ACTR3C: variants seen among roughly 807,000 people sequenced by gnomAD.
The protein encoded by ACTR3C is actin-related protein 3C.
In ACTR3C, 18 loss-of-function variants were observed where a neutral mutation model predicts 26.3. That is an observed-to-expected ratio of 0.68 (90% CI 0.47 to 1.01). The LOEUF (loss-of-function observed/expected upper bound fraction) is 1.01. ACTR3C is among the 50% of genes least tolerant of loss of function. The pLI, the probability that ACTR3C is intolerant of heterozygous loss-of-function variation, is 0.00. For missense variants in ACTR3C, 184 were observed against 250.7 expected, an observed-to-expected ratio of 0.73 and a Z score of 1.80; for synonymous variants, 55 against 94.5, an observed-to-expected ratio of 0.58 and a Z score of 2.42.
chr7:150,071,950 C>G, the ACTR3C span, among the ~76,000 whole-genome samples: 1 of 145,612 alleles, frequency 6.9e-6, no homozygotes, highest in Admixed American at 6.8e-5. Context: ...CTACCAGAAG[C>G]AGTATCTGCT....
the ACTR3C span, among the ~76,000 whole-genome samples, chr7:150,065,725 T>C: frequency 3.3e-5 from 5 of 150,958 alleles, no homozygotes; most frequent in African/African-American, 1.2e-4. Context: ...ATTTTGCATA[T>C]GTTTTAGCTT....
chr7:150,314,183 C>T (rs1183015099), intron 1 of ACTR3C, among the ~76,000 whole-genome samples: 4 of 152,178 alleles, frequency 2.6e-5, no homozygotes, highest in Admixed American at 6.5e-5. Context: ...GTGTTAGCTC[C>T]GTCACTGTGG....
chr7:150,062,311 A>ATT, the ACTR3C span: 1 of 68,742 alleles, frequency 1.5e-5, no homozygotes, highest in African/African-American at 6.5e-5. Flanking sequence ...TTTTTTTTAA[A>ATT]ATTGAAAAAT....
chr7:150,084,015 T>C, the ACTR3C span, among the ~76,000 whole-genome samples: 3 of 152,188 alleles, frequency 2.0e-5, no homozygotes, highest in Non-Finnish European at 4.4e-5. Flanking sequence ...GCTGAAGATA[T>C]ATCTGCACAC....
chr7:149,903,127 TAC>T, the ACTR3C span, among the ~76,000 whole-genome samples: 1 of 125,496 alleles, frequency 8.0e-6, no homozygotes, highest in Non-Finnish European at 1.8e-5. Flanking sequence ...CACAAAAACC[TAC>T]AGTTATCACT....
At chr7:150,005,603 T>C in the ACTR3C span, among the ~76,000 whole-genome samples, 74,964 of 150,044 alleles carry the variant, frequency 0.5, 18,876 homozygotes, top group African/African-American at 0.6. Flanking sequence ...CCTAAGGCCA[T>C]GTGGTGAGGG....
At chr7:150,241,485 T>C (rs1279356416), downstream of ACTR3C, among the ~76,000 whole-genome samples, 7 of 152,174 alleles carry the variant, frequency 4.6e-5, no homozygotes, top group Admixed American at 2.6e-4. Context: ...CCTTCATTCA[T>C]AAAATAGATC....
At chr7:150,203,511 A>G in the ACTR3C span, among the ~76,000 whole-genome samples, 1 of 152,194 alleles carries the variant, frequency 6.6e-6, no homozygotes, top group Non-Finnish European at 1.5e-5. Flanking sequence ...CACCCCCTGA[A>G]TGTAGATAGC....
At chr7:150,092,792 A>C in the ACTR3C span, among the ~76,000 whole-genome samples, 1 of 151,074 alleles carries the variant, frequency 6.6e-6, no homozygotes, top group Non-Finnish European at 1.5e-5. Context: ...GGCTATCTGT[A>C]GCATGACCAC....
At chr7:150,301,879 G>T (rs2129614336) in intron 1 of ACTR3C, among the ~76,000 whole-genome samples, 1 of 152,092 alleles carries the variant, frequency 6.6e-6, no homozygotes, top group East Asian at 1.9e-4. Context: ...GGAGTAAAGA[G>T]AATTCGTGTT....
At chr7:149,949,567 A>T in the ACTR3C span, among the ~76,000 whole-genome samples, 3 of 147,904 alleles carry the variant, frequency 2.0e-5, no homozygotes, top group Non-Finnish European at 4.4e-5. Flanking sequence ...GAAGACAAAG[A>T]AAAGATGGAC....
the ACTR3C span, among the ~76,000 whole-genome samples, chr7:150,231,107 G>A: frequency 6.6e-6 from 1 of 151,636 alleles, no homozygotes; most frequent in African/African-American, 2.4e-5. Flanking sequence ...TGCTTTCATT[G>A]CATCCTACAA....
the ACTR3C span, among the ~76,000 whole-genome samples, chr7:150,116,368 G>T: frequency 6.6e-6 from 1 of 152,242 alleles, no homozygotes; most frequent in Non-Finnish European, 1.5e-5. Flanking sequence ...AAGAAAAAAA[G>T]TTTGTCAAGT....
chr7:150,105,325 A>T, the ACTR3C span, among the ~76,000 whole-genome samples: 1 of 151,416 alleles, frequency 6.6e-6, no homozygotes, highest in Non-Finnish European at 1.5e-5. Context: ...CTTGTGATCC[A>T]CCCGCCTCGG....
chr7:150,010,278 C>G, the ACTR3C span, among the ~76,000 whole-genome samples: 3 of 152,228 alleles, frequency 2.0e-5, no homozygotes, highest in African/African-American at 7.2e-5. Flanking sequence ...AAATATGTAA[C>G]ATCACCCTGC....
the ACTR3C span, among the ~76,000 whole-genome samples, chr7:150,173,284 A>C: frequency 0.66 from 94,806 of 142,612 alleles, 33,046 homozygotes; most frequent in East Asian, 0.83. Flanking sequence ...GTTCCCAAAC[A>C]CAAGTTCTTG....
the ACTR3C span, among the ~76,000 whole-genome samples, chr7:150,055,489 GAGTT>G: frequency 6.9e-6 from 1 of 145,378 alleles, no homozygotes; most frequent in African/African-American, 2.6e-5. Flanking sequence ...ATGAGGGAGG[GAGTT>G]TTTTTTTTTT....
chr7:149,943,324 C>G, the ACTR3C span, among the ~76,000 whole-genome samples: 1 of 151,042 alleles, frequency 6.6e-6, no homozygotes, highest in Admixed American at 6.6e-5. Context: ...AGAAAATGAC[C>G]AGCAGAGGGT....
intron 6 of ACTR3C, among the ~76,000 whole-genome samples, chr7:150,263,545 A>G (rs1434689862): frequency 4.0e-5 from 6 of 151,638 alleles, no homozygotes; most frequent in Non-Finnish European, 7.4e-5. Context: ...GAGACAACAC[A>G]GGATGTGGAA....
Sources: allele counts gnomAD v4.1 joint callset (sites outside exome capture counted in the v4.1 genomes callset), GRCh38; gene constraint gnomAD v4.1.1; transcripts MANE v1.5; gene names NCBI Gene and HGNC (gene_info 2026-07-23, HGNC 2026-07-21).